The following LAMA2 variants were observed in gnomAD, a reference collection of about 807,000 sequenced individuals.
LAMA2 encodes the protein laminin subunit alpha 2, also known as laminin subunit alpha-2.
In LAMA2, 269 loss-of-function variants were observed where a neutral mutation model predicts 364.8. That is an observed-to-expected ratio of 0.74 (90% confidence interval 0.67 to 0.82). The LOEUF (loss-of-function observed/expected upper bound fraction) is 0.82, where lower values mean the gene tolerates loss of function less well. Among genes scored for constraint, LAMA2 ranks in the 40% least tolerant of loss-of-function variants. The pLI is 0.00. For synonymous variants in LAMA2, 1,379 were observed against 1,370.6 expected, an observed-to-expected ratio of 1.01 and a Z score of -0.14; for missense variants, 3,807 against 3,873.2, an observed-to-expected ratio of 0.98 and a Z score of 0.45.
intron 37 of LAMA2, among the ~76,000 whole-genome samples, chr6:129,396,175 T>A (rs1003563959): frequency 6.6e-6 from 1 of 152,212 alleles, no homozygotes; most frequent in Non-Finnish European, 1.5e-5. Flanking sequence ...ATAATATTTA[T>A]CTACATATCT....
At chr6:128,930,548 C>G (rs921245856) in intron 1 of LAMA2, among the ~76,000 whole-genome samples, 1 of 151,972 alleles carries the variant, frequency 6.6e-6, no homozygotes, top group Non-Finnish European at 1.5e-5. Flanking sequence ...TCAGTTCCCC[C>G]CACCCTTCAC....
At chr6:129,035,528 A>ATC (rs202106611) in intron 1 of LAMA2, among the ~76,000 whole-genome samples, 1 of 133,480 alleles carries the variant, frequency 7.5e-6, no homozygotes, top group Non-Finnish European at 1.6e-5. Flanking sequence ...CCATTTGTTC[A>ATC]TTTTTTTTTT....
chr6:129,493,858 C>A (rs1785011637), intron 58 of LAMA2, among the ~76,000 whole-genome samples: 1 of 152,196 alleles, frequency 6.6e-6, no homozygotes, highest in Admixed American at 6.5e-5. Flanking sequence ...ATCTCTGGAA[C>A]ACTCTGCCTT....
intron 37 of LAMA2, among the ~76,000 whole-genome samples, 198 bp downstream of exon 37, chr6:129,393,453 C>T (rs945121184): frequency 1.3e-5 from 2 of 152,008 alleles, no homozygotes; most frequent in Non-Finnish European, 2.9e-5. Flanking sequence ...CAGTTACCAT[C>T]GCCCAAAGAA....
intron 20 of LAMA2, among the ~76,000 whole-genome samples, chr6:129,297,430 T>C: frequency 6.6e-6 from 1 of 152,122 alleles, no homozygotes; most frequent in South Asian, 2.1e-4. Context: ...CTGGTGAAAA[T>C]ACAACAGACA....
intron 38 of LAMA2, among the ~76,000 whole-genome samples, chr6:129,401,986 C>G (rs4897311): frequency 6.6e-6 from 1 of 151,808 alleles, no homozygotes; most frequent in Non-Finnish European, 1.5e-5. Context: ...GGTGGGCAGA[C>G]TGCCTGAGCT....
At chr6:129,054,933 G>A (rs980589386) in intron 2 of LAMA2, among the ~76,000 whole-genome samples, 1 of 150,102 alleles carries the variant, frequency 6.7e-6, no homozygotes, top group African/African-American at 2.4e-5. Flanking sequence ...TTGTCAGATT[G>A]AGTCCAAAAG....
chr6:129,276,960 A>G (rs1311080944), intron 17 of LAMA2, among the ~76,000 whole-genome samples: 1 of 152,190 alleles, frequency 6.6e-6, no homozygotes, highest in Non-Finnish European at 1.5e-5. Context: ...ACACATATAT[A>G]TGCATACATA....
chr6:128,889,471 A>G (rs1301313928), intron 1 of LAMA2, among the ~76,000 whole-genome samples: 1 of 152,140 alleles, frequency 6.6e-6, no homozygotes, highest in African/African-American at 2.4e-5. Context: ...TAGTAATGCA[A>G]TTTTGGCCTA....
intron 4 of LAMA2, among the ~76,000 whole-genome samples, chr6:129,117,369 A>G (rs1273228231): frequency 6.6e-6 from 1 of 152,218 alleles, no homozygotes; most frequent in Non-Finnish European, 1.5e-5. Flanking sequence ...TGAGAAACTA[A>G]GATAATATGA....
chr6:128,887,591 G>A (rs1776214512), intron 1 of LAMA2, among the ~76,000 whole-genome samples: 1 of 152,046 alleles, frequency 6.6e-6, no homozygotes, highest in African/African-American at 2.4e-5. Context: ...GCTGGGGGCT[G>A]GGCAAGGTGG....
rs374127279 is a variant in LAMA2, at chr6:129,210,003, C to CAAAAAAAAAAAAAA, written c.1782+17159_1782+17172dup. Among the ~76,000 whole-genome samples, 486 of 67,562 alleles carry CAAAAAAAAAAAAAA rather than the reference C, an allele frequency of 7.2e-3. 13 individuals carry two copies. Among genetic ancestry groups the CAAAAAAAAAAAAAA allele is most frequent in the Non-Finnish European group, 9.4e-3 (311 of 33,008 alleles). 44.3% of individuals were successfully genotyped at this position (67,562 alleles called of 152,430 possible). On this transcript the variant is annotated intron_variant, in intron 12 of 64. Coordinates refer to ENST00000421865, the MANE Select transcript of LAMA2 (RefSeq NM_000426.4). ...CGGGCGACAGAGCGAGACTCCATCT[C>CAAAAAAAAAAAAAA]AAAAAAAAAAAAAAAAAAAAAATTT...
At chr6:129,008,583 CTA>C (rs1188538486) in intron 1 of LAMA2, among the ~76,000 whole-genome samples, 1 of 152,116 alleles carries the variant, frequency 6.6e-6, no homozygotes, top group Non-Finnish European at 1.5e-5. Context: ...AATTAGTTCT[CTA>C]TAGGGTCTCA....
chr6:128,952,853 T>C (rs1228392659), intron 1 of LAMA2, among the ~76,000 whole-genome samples: 1 of 152,156 alleles, frequency 6.6e-6, no homozygotes. Flanking sequence ...AGACCTGCCT[T>C]AGCCATCTGT....
chr6:129,343,092 T>TG (rs1776358219), intron 30 of LAMA2, among the ~76,000 whole-genome samples: 2 of 152,178 alleles, frequency 1.3e-5, no homozygotes, highest in African/African-American at 4.8e-5. Context: ...CATTCTGCAC[T>TG]GGTTTATACA....
chr6:129,352,484 A>G (rs1256336111), intron 31 of LAMA2, among the ~76,000 whole-genome samples: 1 of 152,246 alleles, frequency 6.6e-6, no homozygotes, highest in Non-Finnish European at 1.5e-5. Flanking sequence ...GAAAAGATGA[A>G]TAAAAGTAAA....
intron 8 of LAMA2, 146 bp from the exon 9 acceptor site, chr6:129,165,430 C>A: frequency 1.8e-6 from 1 of 563,982 alleles, no homozygotes; most frequent in South Asian, 2.4e-5. Context: ...AAATTATAAA[C>A]ATGTATTAAA....
chr6:128,969,579 C>T (rs986624649), intron 1 of LAMA2, among the ~76,000 whole-genome samples: 23 of 152,084 alleles, frequency 1.5e-4, no homozygotes, highest in African/African-American at 5.3e-4. Flanking sequence ...TACAGATTCA[C>T]GCCACTACAC....
intron 12 of LAMA2, among the ~76,000 whole-genome samples, chr6:129,197,040 G>T: frequency 6.6e-6 from 1 of 152,210 alleles, no homozygotes; most frequent in African/African-American, 2.4e-5. Flanking sequence ...CATTAAAACA[G>T]AGATTTTAAA....
Sources: gnomAD v4.1 joint callset for allele counts (sites outside exome capture counted in the v4.1 genomes callset) on GRCh38, gnomAD v4.1.1 for gene constraint, MANE v1.5 for transcripts, NCBI Gene and HGNC (gene_info 2026-07-23, HGNC 2026-07-21) for gene names.